The following LRP1B variants were observed in gnomAD, a reference collection of about 807,000 sequenced individuals.
LRP1B encodes the protein LDL receptor related protein 1B.
In LRP1B, 217 loss-of-function variants were observed where a neutral mutation model predicts 556.6. That is an observed-to-expected ratio of 0.39 (90% CI 0.35 to 0.44). The LOEUF (loss-of-function observed/expected upper bound fraction) is 0.44, where lower values mean the gene tolerates loss of function less well. LRP1B is among the 20% of genes least tolerant of loss of function. LRP1B has a pLI of 1.00. For missense variants in LRP1B, 5,053 were observed against 5,620.8 expected (o/e 0.90, Z 3.23); for synonymous variants, 2,047 against 1,865.8 (o/e 1.10, Z -2.50).
chr2:141,403,772 C>G (rs757185574), intron 3 of LRP1B, among the ~76,000 whole-genome samples: 1 of 151,978 alleles, frequency 6.6e-6, no homozygotes, highest in African/African-American at 2.4e-5. Flanking sequence ...TATAATATAG[C>G]GAATTCAGGT....
intron 32 of LRP1B, among the ~76,000 whole-genome samples, chr2:140,795,176 C>T (rs907552032): frequency 6.6e-6 from 1 of 152,080 alleles, no homozygotes; most frequent in African/African-American, 2.4e-5. Context: ...GTGTCACCTA[C>T]CTGTCTTTCT....
intron 3 of LRP1B, among the ~76,000 whole-genome samples, chr2:141,367,631 C>T (rs150306938): frequency 0.056 from 8,495 of 151,126 alleles, 354 homozygotes; most frequent in Admixed American, 0.14. Context: ...TACAGGTGCC[C>T]GCCACCATGC....
chr2:141,719,005 T>G (rs1367075956), intron 2 of LRP1B, among the ~76,000 whole-genome samples: 1 of 152,182 alleles, frequency 6.6e-6, no homozygotes, highest in Admixed American at 6.6e-5. Flanking sequence ...AAAGCAAATT[T>G]AATGCAAGTT....
chr2:141,789,468 A>C (rs1051980285), intron 2 of LRP1B, among the ~76,000 whole-genome samples: 5 of 152,000 alleles, frequency 3.3e-5, no homozygotes, highest in Non-Finnish European at 7.4e-5. Flanking sequence ...CCATATTAAC[A>C]ACATGTAAGC....
intron 83 of LRP1B, among the ~76,000 whole-genome samples, chr2:140,301,427 A>G (rs181283020): frequency 6.6e-6 from 1 of 152,230 alleles, no homozygotes. Context: ...AAAATCTAAT[A>G]TCTTCCGAGT....
intron 3 of LRP1B, among the ~76,000 whole-genome samples, chr2:141,390,061 C>T (rs1689989178): frequency 6.6e-6 from 1 of 152,110 alleles, no homozygotes; most frequent in South Asian, 2.1e-4. Context: ...TCGCTTGAAC[C>T]TGGGAGGTGG....
At chr2:140,406,114 G>T (rs1316504285) in intron 66 of LRP1B, among the ~76,000 whole-genome samples, 1 of 152,040 alleles carries the variant, frequency 6.6e-6, no homozygotes, top group African/African-American at 2.4e-5. Context: ...AACTGATACA[G>T]AAATAAGCAT....
At chr2:141,624,801 G>A (rs377744364) in intron 2 of LRP1B, among the ~76,000 whole-genome samples, 30 of 151,820 alleles carry the variant, frequency 2.0e-4, no homozygotes, top group East Asian at 7.7e-4. Context: ...ATGGGGTCTC[G>A]CGCTGTCACC....
chr2:140,852,092 C>T (rs1692477508), intron 27 of LRP1B, among the ~76,000 whole-genome samples: 1 of 152,148 alleles, frequency 6.6e-6, no homozygotes, highest in African/African-American at 2.4e-5. Context: ...CTTTGGGAGG[C>T]CAAGGCAGGC....
intron 18 of LRP1B, among the ~76,000 whole-genome samples, chr2:140,957,459 A>C (rs2105310293): frequency 6.6e-6 from 1 of 151,770 alleles, no homozygotes; most frequent in African/African-American, 2.4e-5. Flanking sequence ...AGAAAGTCAA[A>C]GAGAACACCT....
At chr2:141,534,897 T>TC (rs1685016148) in intron 2 of LRP1B, among the ~76,000 whole-genome samples, 1 of 152,060 alleles carries the variant, frequency 6.6e-6, no homozygotes, top group Non-Finnish European at 1.5e-5. Flanking sequence ...TGTGTCTGTT[T>TC]CCCCCCACTA....
intron 3 of LRP1B, among the ~76,000 whole-genome samples, chr2:141,467,852 A>AGGTT (rs1163213986): frequency 5.3e-5 from 7 of 133,250 alleles, no homozygotes; most frequent in African/African-American, 8.3e-5. Flanking sequence ...GGGGGGGGGA[A>AGGTT]TTCCAGCATA....
intron 2 of LRP1B, among the ~76,000 whole-genome samples, chr2:141,512,243 C>T (rs1401863273): frequency 6.6e-6 from 1 of 152,104 alleles, no homozygotes; most frequent in Non-Finnish European, 1.5e-5. Flanking sequence ...CTTCATACAA[C>T]AGTTCGGGGG....
chr2:141,248,978 AATTG>A, intron 4 of LRP1B, among the ~76,000 whole-genome samples: 1 of 152,272 alleles, frequency 6.6e-6, no homozygotes, highest in Admixed American at 6.5e-5. Context: ...CAGAAGTGAA[AATTG>A]ATTGAATTTT....
intron 55 of LRP1B, among the ~76,000 whole-genome samples, chr2:140,499,197 G>A (rs1689077524): frequency 1.3e-5 from 2 of 151,944 alleles, no homozygotes; most frequent in South Asian, 4.1e-4. Context: ...GGATGATATT[G>A]TCTTCTACCA....
chr2:141,356,631 C>T (rs1213524868), intron 3 of LRP1B, among the ~76,000 whole-genome samples: 1 of 149,948 alleles, frequency 6.7e-6, no homozygotes, highest in Non-Finnish European at 1.5e-5. Context: ...ACCTAGAATT[C>T]TTGTAGATAG....
chr2:140,825,721 A>G lies in LRP1B; in HGVS notation c.5210-11915T>C, dbSNP rs941904898. 3.3e-5 allele frequency among the ~76,000 whole-genome samples: 5 copies of G among 152,128 alleles called. No homozygotes were observed. In the South Asian group the frequency reaches 6.2e-4, roughly 19 times the overall value. ...TTGTGGAATTTTTTTTTTCTTTAACAGAGCTCGTATTTAGATTATAGGTAA... is the reference window on the plus strand; with the variant it reads ...TTGTGGAATTTTTTTTTTCTTTAACGGAGCTCGTATTTAGATTATAGGTAA... On this transcript the variant is annotated intron_variant, in intron 31 of 90. Transcript: ENST00000389484.
chr2:142,041,031 C>T lies in LRP1B; in HGVS notation c.82+89617G>A, dbSNP rs192157058. On this transcript the variant is annotated intron_variant, in intron 1 of 90. Coordinates refer to ENST00000389484, the MANE Select transcript of LRP1B (RefSeq NM_018557.3). Reference sequence around the variant, plus strand: ...GTTTCTAAAAACTTGAATGTTTCAGCAATTCGATTATCACTTCTACTGAGG... The same window carrying T: ...GTTTCTAAAAACTTGAATGTTTCAGTAATTCGATTATCACTTCTACTGAGG... Among the ~76,000 whole-genome samples, 41 of 151,496 alleles carry T rather than the reference C, an allele frequency of 2.7e-4. No homozygotes were observed. In the East Asian group the frequency reaches 7.6e-3, roughly 28 times the overall value.
intron 1 of LRP1B, among the ~76,000 whole-genome samples, chr2:142,014,174 C>T (rs779962701): frequency 2.4e-4 from 37 of 152,118 alleles, no homozygotes; most frequent in Admixed American, 4.6e-4. Context: ...TTCACCACTT[C>T]GCTTTCTTAA....
Sources: gnomAD v4.1 joint callset for allele counts (sites outside exome capture counted in the v4.1 genomes callset) on GRCh38, gnomAD v4.1.1 for gene constraint, MANE v1.5 for transcripts, NCBI Gene and HGNC (gene_info 2026-07-23, HGNC 2026-07-21) for gene names.